The following PAX7 variants were observed in gnomAD, a reference collection of about 807,000 sequenced individuals.
PAX7 encodes the protein paired box 7.
In PAX7, 18 loss-of-function variants were observed where a neutral mutation model predicts 50.7. That is an observed-to-expected ratio of 0.36 (90% CI 0.25 to 0.53). The LOEUF (loss-of-function observed/expected upper bound fraction) is 0.53, where lower values mean the gene tolerates loss of function less well. PAX7 is among the 20% of genes least tolerant of loss of function. PAX7 has a pLI of 0.93. For synonymous variants in PAX7, 310 were observed against 290.4 expected (o/e 1.07, Z -0.69); for missense variants, 644 against 702.9 (o/e 0.92, Z 0.95).
rs1328799601 is a variant in PAX7 at position 18,634,055 on chromosome 1, C to G, written c.86-248C>G. On this transcript the variant is annotated intron_variant, in intron 1 of 8. Transcript: ENST00000420770. The surrounding 1 kb of genome is among the most constrained non-coding windows in gnomAD (Gnocchi z 4.0). Reference sequence around the variant, plus strand: ...TCGTAGTGTGGCAGGAGTTGGGGGACACAGCATCTGGGGAGACTCTTGCAG... The same window carrying G: ...TCGTAGTGTGGCAGGAGTTGGGGGAGACAGCATCTGGGGAGACTCTTGCAG... Among the ~76,000 whole-genome samples the G allele has an allele frequency of 6.6e-6, 1 of 152,216 alleles. No individual in the cohort carries two copies. Among genetic ancestry groups the G allele is most frequent in the Non-Finnish European group, 1.5e-5 (1 of 68,040 alleles).
intron 6 of PAX7, 96 bp from the exon 7 acceptor site, chr1:18,702,998 C>T (rs1419343712): frequency 4.5e-6 from 5 of 1,116,820 alleles, no homozygotes; most frequent in South Asian, 4.2e-5. Flanking sequence ...GAATGGAGAC[C>T]GGGAGGAGGA....
chr1:18,640,364 G>T (rs1474186910), intron 4 of PAX7, among the ~76,000 whole-genome samples: 2 of 152,048 alleles, frequency 1.3e-5, no homozygotes, highest in Non-Finnish European at 2.9e-5. Flanking sequence ...TAGGCTCCGG[G>T]GGAGCGAGTG....
chr1:18,692,778 C>A (rs780505654), intron 5 of PAX7, among the ~76,000 whole-genome samples: 17 of 152,220 alleles, frequency 1.1e-4, no homozygotes, highest in Non-Finnish European at 2.1e-4. Flanking sequence ...GCAGGGTGGG[C>A]AGCCCCCAAA....
intron 4 of PAX7, among the ~76,000 whole-genome samples, chr1:18,649,525 C>T (rs1289525036): frequency 6.6e-6 from 1 of 152,032 alleles, no homozygotes; most frequent in African/African-American, 2.4e-5. Context: ...TTGCAGCCCC[C>T]ATCCCCCTCC....
In PAX7 at chr1:18,746,647, A is replaced by G. The variant is rs948944293; in HGVS notation, c.*1718A>G. 4 of 230,762 alleles carry G rather than the reference A, an allele frequency of 1.7e-5. No homozygotes were observed. The highest frequency in any genetic ancestry group is 4.4e-5 in the African/African-American group (2 of 45,178). The allele number at this position is 230,762 out of a possible 1,614,324, so 14.3% of individuals were successfully genotyped here. A position where few individuals can be genotyped will look rare whatever the true frequency, so the allele number is the denominator to read the frequency against. ...GTTCATGAGGCCACCTCTTTGCTCA[A>G]TCCATGCCTCTTGCCCTCAGTCAAC... On this transcript the variant is annotated 3_prime_UTR_variant, in exon 9 of 9. Transcript: ENST00000420770.
chr1:18,644,677 A>T (rs1394702433), intron 4 of PAX7, among the ~76,000 whole-genome samples: 1 of 151,988 alleles, frequency 6.6e-6, no homozygotes. Flanking sequence ...CATGGGGCGG[A>T]GGGGCACTGA....
rs1172897891 is a variant in PAX7 at position 18,745,023 on chromosome 1, C to G, written c.*94C>G. ...CTTGCCGCCTCACCCCCCTGTTGTC[C>G]TAGGAGGCCAGGAAAGGAGCCCACC... On this transcript the variant is annotated 3_prime_UTR_variant, in exon 9 of 9. Transcript: ENST00000420770. 1 of 732,000 alleles carries G rather than the reference C, an allele frequency of 1.4e-6. No homozygotes were observed. Among genetic ancestry groups the G allele is most frequent in the African/African-American group, 1.8e-5 (1 of 56,098 alleles). The allele number at this position is 732,000 out of a possible 1,614,324, so 45.3% of individuals were successfully genotyped here.
chr1:18,646,896 G>A (rs553890215), intron 4 of PAX7, among the ~76,000 whole-genome samples: 1 of 148,384 alleles, frequency 6.7e-6, no homozygotes, highest in African/African-American at 2.5e-5. Context: ...GCGCGGCGCG[G>A]GGGGAGCGGC....
chr1:18,738,351 G>A (rs1302717193), intron 8 of PAX7, among the ~76,000 whole-genome samples: 2 of 152,178 alleles, frequency 1.3e-5, no homozygotes, highest in East Asian at 3.9e-4. Context: ...CCTGGGGCAG[G>A]CGTTAGTCAC....
At position 18,728,618 on chromosome 1, in the gene PAX7, T is replaced by C. The variant is rs574781003; in HGVS notation, c.1156-7014T>C. Among the ~76,000 whole-genome samples the C allele has an allele frequency of 5.3e-5, 8 of 151,478 alleles. No individual in the cohort carries two copies. In the East Asian group the frequency reaches 1.4e-3, roughly 26 times the overall value. ...GCTCACGCCTGTAGTCCCAGCACTT[T>C]GGGAGGCCAAGGCAGCCAGATCACC... On this transcript the variant is annotated intron_variant, in intron 7 of 8. Transcript: ENST00000420770.
intron 4 of PAX7, among the ~76,000 whole-genome samples, chr1:18,644,839 A>G (rs1057280199): frequency 1.8e-4 from 27 of 152,274 alleles, no homozygotes; most frequent in South Asian, 1.2e-3. Flanking sequence ...CCTTTTACCT[A>G]TACCACCCAA....
At chr1:18,666,760 C>T (rs1404998699) in intron 4 of PAX7, among the ~76,000 whole-genome samples, 1 of 152,224 alleles carries the variant, frequency 6.6e-6, no homozygotes, top group African/African-American at 2.4e-5. Context: ...CTGCGCTCCA[C>T]CTGGAGACAG....
intron 7 of PAX7, among the ~76,000 whole-genome samples, chr1:18,722,514 A>G (rs1181266286): frequency 1.3e-5 from 2 of 152,040 alleles, no homozygotes; most frequent in Non-Finnish European, 2.9e-5. Flanking sequence ...TTTATCCTCG[A>G]TAAGTGGATT....
At chr1:18,643,889 G>T (rs1479738229) in intron 4 of PAX7, among the ~76,000 whole-genome samples, 1 of 152,182 alleles carries the variant, frequency 6.6e-6, no homozygotes, top group Non-Finnish European at 1.5e-5. Flanking sequence ...AACCCGGGGC[G>T]CTGGGCAGGG....
chr1:18,724,146 T>C (rs1174764647), intron 7 of PAX7, among the ~76,000 whole-genome samples: 1 of 152,186 alleles, frequency 6.6e-6, no homozygotes, highest in African/African-American at 2.4e-5. Flanking sequence ...ACCCGGCTCC[T>C]CTGCAAACTC....
intron 4 of PAX7, among the ~76,000 whole-genome samples, chr1:18,669,464 C>T (rs1169844988): frequency 6.6e-6 from 1 of 152,194 alleles, no homozygotes; most frequent in Non-Finnish European, 1.5e-5. Context: ...AGAACCAGTC[C>T]CAGCTCCCTC....
chr1:18,690,209 G>A (rs1477388264), intron 4 of PAX7, among the ~76,000 whole-genome samples: 1 of 152,124 alleles, frequency 6.6e-6, no homozygotes, highest in Admixed American at 6.5e-5. Flanking sequence ...ATGAGTCAAT[G>A]ACAAAAAATA....
At chr1:18,718,504 C>A (rs1203220094) in intron 7 of PAX7, among the ~76,000 whole-genome samples, 1 of 152,170 alleles carries the variant, frequency 6.6e-6, no homozygotes, top group African/African-American at 2.4e-5. Flanking sequence ...AGGCCTGGCA[C>A]ATCCAAAGCA....
chr1:18,698,592 T>G (rs1372622835), intron 5 of PAX7, among the ~76,000 whole-genome samples: 1 of 152,180 alleles, frequency 6.6e-6, no homozygotes, highest in Non-Finnish European at 1.5e-5. Flanking sequence ...ACTGAATTAG[T>G]ACAAAGACCT....
Sources: allele counts gnomAD v4.1 joint callset (sites outside exome capture counted in the v4.1 genomes callset), GRCh38; gene constraint gnomAD v4.1.1; non-coding constraint Gnocchi (gnomAD v3.1); transcripts MANE v1.5; gene names NCBI Gene and HGNC (gene_info 2026-07-23, HGNC 2026-07-21).